PCDHA8: variants seen among roughly 807,000 people sequenced by gnomAD.
The protein encoded by PCDHA8 is protocadherin alpha 8.
In PCDHA8, 53 loss-of-function variants were observed where a neutral mutation model predicts 61.8. The observed-to-expected ratio is 0.86, with a 90% CI of 0.69 to 1.08. PCDHA8 has a LOEUF of 1.08. Among genes scored for constraint, PCDHA8 ranks in the 50% least tolerant of loss-of-function variants. The pLI is 0.00. For synonymous variants in PCDHA8, 618 were observed against 556.6 expected, an observed-to-expected ratio of 1.11 and a Z score of -1.55; for missense variants, 1,293 against 1,245.0, an observed-to-expected ratio of 1.04 and a Z score of -0.58.
chr5:140,998,942 T>C (rs1435302179), intron 3 of PCDHA8, among the ~76,000 whole-genome samples: 4 of 152,222 alleles, frequency 2.6e-5, no homozygotes, highest in Non-Finnish European at 5.9e-5. Flanking sequence ...ATGAAGAAAC[T>C]GTAAGTCAAT....
intron 3 of PCDHA8, among the ~76,000 whole-genome samples, chr5:141,001,535 G>A (rs2098024806): frequency 6.6e-6 from 1 of 152,182 alleles, no homozygotes; most frequent in South Asian, 2.1e-4. Flanking sequence ...TCTGATCCTG[G>A]ACAGGATTTG....
intron 1 of PCDHA8, among the ~76,000 whole-genome samples, chr5:140,903,398 T>C (rs1011557575): frequency 1.3e-5 from 2 of 152,204 alleles, no homozygotes; most frequent in Admixed American, 1.3e-4. Context: ...CTAGAAACAG[T>C]AGTGCAGTCA....
chr5:140,874,526 T>G (rs2054964457), intron 1 of PCDHA8, among the ~76,000 whole-genome samples: 1 of 152,242 alleles, frequency 6.6e-6, no homozygotes. Flanking sequence ...GTCAATGAGA[T>G]TAGGCTCCAA....
rs781865422 is a variant in PCDHA8, at chr5:140,871,237, C to T, written c.2394+27522C>T. 26 of 1,613,866 alleles carry T rather than the reference C, an allele frequency of 1.6e-5. 1 individual carries two copies. In the South Asian group the frequency reaches 2.3e-4, roughly 14 times the overall value. The stretch of plus-strand genomic sequence containing the variant: ...CTGCGTGGTGTCCAGCCTCCTGGTA[C>T]TCACGCTGCTGCTGTATACGGCGCT... On this transcript the variant is annotated intron_variant, in intron 1 of 3. Coordinates refer to ENST00000531613, the MANE Select transcript of PCDHA8 (RefSeq NM_018911.3).
At chr5:140,891,371 T>G (rs1483919316) in intron 1 of PCDHA8, among the ~76,000 whole-genome samples, 1 of 152,146 alleles carries the variant, frequency 6.6e-6, no homozygotes, top group African/African-American at 2.4e-5. Context: ...CAGTATACAT[T>G]GCACCATATT....
intron 3 of PCDHA8, among the ~76,000 whole-genome samples, chr5:141,002,946 G>A (rs2098104148): frequency 6.6e-6 from 1 of 152,180 alleles, no homozygotes; most frequent in African/African-American, 2.4e-5. Flanking sequence ...TCCAGCACAT[G>A]CCCCTCTGAG....
rs146090059 is a variant in PCDHA8 at position 140,857,944 on chromosome 5, G to A, written c.2394+14229G>A. 6.4e-5 allele frequency: 102 copies of A among 1,597,474 alleles called. 12 individuals are homozygous for A. The highest frequency in any genetic ancestry group is 5.1e-4 in the Admixed American group (30 of 59,248). ...GGCTGTACACGGGCGAGATCAGTAC[G>A]ACGCGCGCTCTGGATGAGACTGACT... On this transcript the variant is annotated intron_variant, in intron 1 of 3. Coordinates refer to ENST00000531613, the MANE Select transcript of PCDHA8 (RefSeq NM_018911.3).
At chr5:141,005,718 A>T (rs1554260304) in intron 3 of PCDHA8, among the ~76,000 whole-genome samples, 1 of 149,548 alleles carries the variant, frequency 6.7e-6, no homozygotes, top group Non-Finnish European at 1.5e-5. Context: ...AAAAAAAAAA[A>T]AAAAAAAAAA....
In PCDHA8 at chr5:140,848,329, A is replaced by T. The variant is rs2150408889; in HGVS notation, c.2394+4614A>T. 1.7e-5 allele frequency: 14 copies of T among 818,896 alleles called. 1 individual carries two copies. The highest frequency in any genetic ancestry group is 2.5e-5 in the Non-Finnish European group (13 of 512,110). The allele number at this position is 818,896 out of a possible 1,614,324, so 50.7% of individuals were successfully genotyped here. A position where few individuals can be genotyped will look rare whatever the true frequency, so the allele number is the denominator to read the frequency against. On this transcript the variant is annotated intron_variant, in intron 1 of 3. Transcript: ENST00000531613. The stretch of plus-strand genomic sequence containing the variant: ...ACTCTTTGCCGCGATGTTCTCTCTG[A>T]ATCCAGACAAATACAGCCCTTTTCC...
intron 3 of PCDHA8, among the ~76,000 whole-genome samples, chr5:141,009,289 T>C (rs1474871800): frequency 1.4e-4 from 22 of 152,136 alleles, no homozygotes; most frequent in African/African-American, 5.1e-4. Context: ...ATCCCATTTC[T>C]ATAAAATTTT....
chr5:140,992,400 T>C (rs1019164556), intron 3 of PCDHA8, among the ~76,000 whole-genome samples: 1 of 152,124 alleles, frequency 6.6e-6, no homozygotes, highest in Admixed American at 6.5e-5. Context: ...CTTAGAGATA[T>C]TGTTCTGCCC....
intron 3 of PCDHA8, among the ~76,000 whole-genome samples, chr5:140,997,576 G>A (rs528258685): frequency 5.9e-5 from 9 of 152,166 alleles, no homozygotes; most frequent in African/African-American, 2.4e-5. Flanking sequence ...TGTGTGGTCC[G>A]TTGTTGACTG....
At chr5:140,982,159 G>A (rs1466298378) in intron 2 of PCDHA8, among the ~76,000 whole-genome samples, 1 of 152,262 alleles carries the variant, frequency 6.6e-6, no homozygotes, top group African/African-American at 2.4e-5. Flanking sequence ...GTATCGAGAT[G>A]TTAAAATGGC....
At chr5:140,876,360 T>C in intron 1 of PCDHA8, 1 of 1,613,962 alleles carries the variant, frequency 6.2e-7, no homozygotes, top group Non-Finnish European at 8.5e-7. Context: ...TTTCAATAAA[T>C]CCAGACACAG....
chr5:140,896,037 C>T (rs1373567434), intron 1 of PCDHA8, among the ~76,000 whole-genome samples: 1 of 152,156 alleles, frequency 6.6e-6, no homozygotes, highest in Non-Finnish European at 1.5e-5. Context: ...TCTCGAACTC[C>T]TGACCTCAGG....
In PCDHA8 at chr5:140,843,250, G is replaced by C; in HGVS notation, c.1929G>C (p.Pro643=). The stretch of plus-strand genomic sequence containing the variant: ...GTGTCCTGGACGAAGCGGACTCTCC[G>C]CGCCACCGTCTGCTGGTCCTGGTGA... ...TTRVLDEADS[P]RHRLLVLVKD... Residue 643 remains proline (P), a synonymous_variant, in exon 1 of 4, where the codon CCG becomes CCC. Transcript: ENST00000531613. 14 of 1,596,012 alleles carry C rather than the reference G, an allele frequency of 8.8e-6. 3 individuals carry two copies. Among genetic ancestry groups the C allele is most frequent in the Non-Finnish European group, 1.1e-5 (13 of 1,165,570 alleles).
intron 1 of PCDHA8, among the ~76,000 whole-genome samples, chr5:140,976,410 G>C (rs1353790339): frequency 6.6e-6 from 1 of 152,074 alleles, no homozygotes; most frequent in Non-Finnish European, 1.5e-5. Context: ...AATTAGCCAG[G>C]TACGGTGGCA....
chr5:140,842,290 G>T lies in PCDHA8; in HGVS notation c.969G>T (p.Thr323=). The change falls in exon 1 of 4, where the codon ACG becomes ACT. Residue 323 remains threonine (T), a synonymous_variant. Transcript: ENST00000531613. ...TATACAAAATCCTCATTGACGCCAC[G>T]GACAAAGGCCATCCTCCCATGGCGG... The part of the protein sequence containing the change: ...ENLYKILIDA[T]DKGHPPMAGH... 6.2e-7 allele frequency: 1 copy of T among 1,610,202 alleles called. No individual in the cohort carries two copies. Among genetic ancestry groups the T allele is most frequent in the South Asian group, 1.1e-5 (1 of 90,980 alleles).
chr5:140,976,546 A>G (rs2096722070), intron 1 of PCDHA8, among the ~76,000 whole-genome samples: 1 of 152,086 alleles, frequency 6.6e-6, no homozygotes, highest in Non-Finnish European at 1.5e-5. Context: ...GTAAGACCCT[A>G]TCTCATAAAT....
Sources: gnomAD v4.1 joint callset for allele counts (sites outside exome capture counted in the v4.1 genomes callset) on GRCh38, gnomAD v4.1.1 for gene constraint, MANE v1.5 for transcripts, NCBI Gene and HGNC (gene_info 2026-07-23, HGNC 2026-07-21) for gene names.